TTC29: variants seen among roughly 807,000 people sequenced by gnomAD.
The protein encoded by TTC29 is tetratricopeptide repeat domain 29.
Under a neutral mutation model 58.1 loss-of-function variants are expected in TTC29, and 49 were observed. That is an observed-to-expected ratio of 0.84 (90% confidence interval 0.67 to 1.07). The LOEUF is 1.07. TTC29 is among the 50% of genes least tolerant of loss of function. The pLI is 0.00. For synonymous variants in TTC29, 209 were observed against 196.8 expected (o/e 1.06, Z -0.52); for missense variants, 582 against 555.6 (o/e 1.05, Z -0.48).
intron 6 of TTC29, among the ~76,000 whole-genome samples, chr4:146,884,531 T>A (rs560170479): frequency 1.1e-4 from 16 of 152,208 alleles, no homozygotes; most frequent in African/African-American, 3.4e-4. Context: ...GAAGCCTGAA[T>A]GGAATAATGT....
chr4:146,862,030 C>T (rs1357443570), intron 8 of TTC29, among the ~76,000 whole-genome samples: 1 of 152,094 alleles, frequency 6.6e-6, no homozygotes, highest in Non-Finnish European at 1.5e-5. Context: ...TCTGAGCCTT[C>T]TTACCTCTCT....
intron 4 of TTC29, among the ~76,000 whole-genome samples, chr4:146,926,117 C>CTT (rs1272616025): frequency 6.6e-6 from 1 of 152,124 alleles, no homozygotes. Context: ...TGAAAGAAAA[C>CTT]TTAACGAGGA....
chr4:146,812,587 A>G (rs1221888815), intron 10 of TTC29, among the ~76,000 whole-genome samples: 1 of 152,212 alleles, frequency 6.6e-6, no homozygotes. Context: ...GAGCTTTATA[A>G]TTAGCTAATT....
At chr4:146,910,598 G>C (rs953566310) in intron 4 of TTC29, among the ~76,000 whole-genome samples, 8 of 152,070 alleles carry the variant, frequency 5.3e-5, no homozygotes, top group African/African-American at 1.7e-4. Context: ...TGAGAAGTTT[G>C]GACTCCAAGC....
At chr4:146,713,742 A>G (rs1419445295) in intron 11 of TTC29, among the ~76,000 whole-genome samples, 1 of 152,116 alleles carries the variant, frequency 6.6e-6, no homozygotes, top group Non-Finnish European at 1.5e-5. Context: ...TCAAAAGTAT[A>G]GGGTTTTTTT....
intron 8 of TTC29, among the ~76,000 whole-genome samples, chr4:146,865,748 C>T (rs1484397913): frequency 1.3e-5 from 2 of 152,120 alleles, no homozygotes; most frequent in Non-Finnish European, 2.9e-5. Context: ...CTAGATCTTA[C>T]GTGTCCTCAC....
At chr4:146,862,489 G>C (rs1024209953) in intron 8 of TTC29, among the ~76,000 whole-genome samples, 1 of 152,092 alleles carries the variant, frequency 6.6e-6, no homozygotes. Flanking sequence ...TTGAAAATTT[G>C]AAGAATGTCC....
intron 11 of TTC29, among the ~76,000 whole-genome samples, chr4:146,789,492 A>C (rs1250252717): frequency 1.3e-5 from 2 of 152,144 alleles, no homozygotes; most frequent in African/African-American, 4.8e-5. Flanking sequence ...GAAACTGCCT[A>C]AGGCTTATTG....
intron 4 of TTC29, among the ~76,000 whole-genome samples, chr4:146,922,012 CAAA>C (rs34167190): frequency 4.3e-4 from 46 of 107,386 alleles, no homozygotes; most frequent in South Asian, 1.5e-3. Context: ...GGATCCCCTA[CAAA>C]AAAAAAAAAA....
At chr4:146,751,385 T>C (rs2150048229) in intron 11 of TTC29, among the ~76,000 whole-genome samples, 1 of 152,288 alleles carries the variant, frequency 6.6e-6, no homozygotes, top group Non-Finnish European at 1.5e-5. Context: ...TACAGAACTT[T>C]CCACCAAACA....
chr4:146,881,886 A>G (rs558396313), intron 6 of TTC29, among the ~76,000 whole-genome samples: 1 of 152,242 alleles, frequency 6.6e-6, no homozygotes, highest in South Asian at 2.1e-4. Flanking sequence ...ATGTGCCCAT[A>G]ACTTTTGAGT....
intron 5 of TTC29, among the ~76,000 whole-genome samples, chr4:146,906,595 G>A (rs1374762736): frequency 6.6e-6 from 1 of 152,050 alleles, no homozygotes; most frequent in Admixed American, 6.5e-5. Flanking sequence ...CTCATTTTCT[G>A]GTACATCCCT....
chr4:146,924,518 A>G (rs756441312), intron 4 of TTC29, among the ~76,000 whole-genome samples: 1 of 151,896 alleles, frequency 6.6e-6, no homozygotes, highest in Non-Finnish European at 1.5e-5. Context: ...ATTTCATCTA[A>G]GTCGTTGAGT....
intron 8 of TTC29, among the ~76,000 whole-genome samples, chr4:146,856,098 A>G (rs1227641087): frequency 1.3e-5 from 2 of 152,214 alleles, no homozygotes; most frequent in African/African-American, 4.8e-5. Context: ...TATGTTCCAT[A>G]TGTCACTATT....
chr4:146,917,893 G>GA (rs1238488898), intron 4 of TTC29, among the ~76,000 whole-genome samples: 2 of 149,552 alleles, frequency 1.3e-5, no homozygotes, highest in African/African-American at 4.9e-5. Flanking sequence ...TATATGAACT[G>GA]AAAAAATTAA....
At position 146,858,262 on chromosome 4, in the gene TTC29, C is replaced by A. The variant is rs187370868; in HGVS notation, c.885+9236G>T. ...CTAACCTAAGGTCACACAGCTAGTG[C>A]ATGGCAGACAGGACTGAAATCCATG... On this transcript the variant is annotated intron_variant, in intron 8 of 12. Transcript: ENST00000325106. Among the ~76,000 whole-genome samples the A allele has an allele frequency of 2.4e-3, 366 of 152,322 alleles. 3 individuals carry two copies. Among genetic ancestry groups the A allele is most frequent in the Non-Finnish European group, 4.1e-3 (282 of 68,026 alleles).
At chr4:146,712,610 C>T (rs544125937) in intron 11 of TTC29, among the ~76,000 whole-genome samples, 4 of 152,098 alleles carry the variant, frequency 2.6e-5, no homozygotes, top group African/African-American at 9.7e-5. Flanking sequence ...TTGCCTTTAG[C>T]TACCCACTTG....
At chr4:146,787,186 AAAT>A (rs1749087108) in intron 11 of TTC29, among the ~76,000 whole-genome samples, 1 of 152,228 alleles carries the variant, frequency 6.6e-6, no homozygotes. Context: ...AAATTGTTCA[AAAT>A]AATATGAAGG....
intron 11 of TTC29, among the ~76,000 whole-genome samples, chr4:146,748,303 G>A (rs907366307): frequency 1.3e-5 from 2 of 152,110 alleles, no homozygotes; most frequent in African/African-American, 4.8e-5. Flanking sequence ...ACAAGACCCT[G>A]GCTTAATGTG....
Sources: gnomAD v4.1 joint callset for allele counts (sites outside exome capture counted in the v4.1 genomes callset) on GRCh38, gnomAD v4.1.1 for gene constraint, MANE v1.5 for transcripts, NCBI Gene and HGNC (gene_info 2026-07-23, HGNC 2026-07-21) for gene names.